Variants in SNIP1 observed in about 807,000 individuals in gnomAD.
SNIP1 encodes the protein smad nuclear-interacting protein 1.
SNIP1 carries 23 observed loss-of-function variants against 37.4 expected under a neutral mutation model. That is an observed-to-expected ratio of 0.61 (90% CI 0.44 to 0.87). The LOEUF (loss-of-function observed/expected upper bound fraction) is 0.87. Among genes scored for constraint, SNIP1 ranks in the 40% least tolerant of loss-of-function variants. The pLI is 0.00. For missense variants in SNIP1, 459 were observed against 540.4 expected, an observed-to-expected ratio of 0.85 and a Z score of 1.49; for synonymous variants, 174 against 200.0, an observed-to-expected ratio of 0.87 and a Z score of 1.10.
intron 2 of SNIP1, among the ~76,000 whole-genome samples, chr1:37,545,753 T>A (rs1053259544): frequency 2.6e-5 from 4 of 151,714 alleles, no homozygotes; most frequent in African/African-American, 9.7e-5. Context: ...CGTCCAGGAG[T>A]TCGAGACCAG....
At chr1:37,543,677 C>T (rs215197) in intron 2 of SNIP1, among the ~76,000 whole-genome samples, 128,979 of 151,666 alleles carry the variant, frequency 0.85, 55,097 homozygotes, top group East Asian at 0.97. Flanking sequence ...TTTTAATGCA[C>T]TGTTGGGCTT....
intron 2 of SNIP1, among the ~76,000 whole-genome samples, chr1:37,550,592 A>G (rs1643288817): frequency 6.6e-6 from 1 of 152,144 alleles, no homozygotes; most frequent in Admixed American, 6.5e-5. Context: ...CTGTAATCTC[A>G]GCTACTTGGG....
At chr1:37,543,052 T>C (rs1643192341) in intron 2 of SNIP1, among the ~76,000 whole-genome samples, 2 of 147,676 alleles carry the variant, frequency 1.4e-5, no homozygotes. Flanking sequence ...AGAGACCCTG[T>C]CTTGAAAAAA....
At chr1:37,542,099 CA>C (rs1318847238) in intron 2 of SNIP1, among the ~76,000 whole-genome samples, 3 of 152,070 alleles carry the variant, frequency 2.0e-5, no homozygotes, top group Non-Finnish European at 4.4e-5. Flanking sequence ...TCCTAATTGC[CA>C]AAATCACTAC....
chr1:37,552,770 G>A, intron 1 of SNIP1, 23 bp from the exon 2 acceptor site: 2 of 1,590,134 alleles, frequency 1.3e-6, no homozygotes, highest in South Asian at 1.1e-5. Flanking sequence ...TGGTACACAG[G>A]ATTTTATCGC....
intron 2 of SNIP1, among the ~76,000 whole-genome samples, chr1:37,548,085 G>A (rs1333016118): frequency 2.7e-5 from 4 of 145,736 alleles, no homozygotes; most frequent in Non-Finnish European, 4.5e-5. Context: ...CCCGGGAGGC[G>A]GAGCTTGCAG....
At chr1:37,547,794 ATAAAG>A (rs754008990) in intron 2 of SNIP1, among the ~76,000 whole-genome samples, 5 of 152,032 alleles carry the variant, frequency 3.3e-5, no homozygotes, top group Non-Finnish European at 5.9e-5. Context: ...TGAGAAAAGA[ATAAAG>A]TAATCATTTG....
intron 1 of SNIP1, 32 bp from the exon 2 acceptor site, chr1:37,552,779 G>A (rs756354627): frequency 3.8e-6 from 6 of 1,561,126 alleles, no homozygotes; most frequent in Admixed American, 1.7e-5. Context: ...GGATTTTATC[G>A]CAATTTCCCT....
chr1:37,552,540 A>G (rs1207618456), intron 2 of SNIP1, 105 bp downstream of exon 2: 3 of 900,388 alleles, frequency 3.3e-6, no homozygotes, highest in Non-Finnish European at 5.5e-6. Flanking sequence ...AGGCGAGCGT[A>G]CGTGCACATG....
intron 2 of SNIP1, among the ~76,000 whole-genome samples, chr1:37,549,493 C>T (rs916384624): frequency 3.3e-5 from 5 of 152,164 alleles, no homozygotes; most frequent in Non-Finnish European, 7.4e-5. Flanking sequence ...CAGCCTCAAC[C>T]TCCTAGGCTC....
At chr1:37,544,287 A>C (rs2148114436) in intron 2 of SNIP1, among the ~76,000 whole-genome samples, 1 of 151,990 alleles carries the variant, frequency 6.6e-6, no homozygotes, top group East Asian at 1.9e-4. Context: ...TGTACTAAAA[A>C]TACAAAAAAT....
chr1:37,538,238 G>A (rs1485050497), intron 3 of SNIP1, among the ~76,000 whole-genome samples: 1 of 152,196 alleles, frequency 6.6e-6, no homozygotes, highest in Non-Finnish European at 1.5e-5. Context: ...ACCGGGCGCG[G>A]TGGCTCACGC....
chr1:37,551,074 G>GACACACACACACACAC lies in SNIP1; in HGVS notation c.327+1555_327+1570dup, dbSNP rs55724495. 4.4e-3 allele frequency among the ~76,000 whole-genome samples: 630 copies of GACACACACACACACAC among 143,992 alleles called. 4 individuals are homozygous for GACACACACACACACAC. The highest frequency in any genetic ancestry group is 6.2e-3 in the Non-Finnish European group (410 of 66,286). The allele number at this position is 143,992 out of a possible 152,430, so 94.5% of individuals were successfully genotyped here. On this transcript the variant is annotated intron_variant, in intron 2 of 3. Transcript: ENST00000296215. The stretch of plus-strand genomic sequence containing the variant: ...CACGCCATTGCACTCCAGCCTGGGT[G>GACACACACACACACAC]ACACACACACACACACACACACACA...
rs889987418 is a variant in SNIP1, at chr1:37,536,938, T to G, written c.*810A>C. The G allele has an allele frequency of 6.6e-6, 1 of 152,104 alleles. No homozygotes were observed. Among genetic ancestry groups the G allele is most frequent in the African/African-American group, 2.4e-5 (1 of 41,442 alleles). The allele number at this position is 152,104 out of a possible 1,614,324, so 9.4% of individuals were successfully genotyped here. On this transcript the variant is annotated 3_prime_UTR_variant, in exon 4 of 4. Transcript: ENST00000296215. The stretch of plus-strand genomic sequence containing the variant: ...TTTATTTCTCAAAGAAAAAAAGAGA[T>G]AACATTTGAATAAAAATGCAAAACT...
intron 2 of SNIP1, chr1:37,548,717 G>C (rs1264124533): frequency 1.6e-5 from 2 of 124,784 alleles, no homozygotes; most frequent in Non-Finnish European, 1.6e-5. Context: ...CTGGGCAACA[G>C]AACGAGACTC....
chr1:37,546,152 C>CCG (rs1643234602), intron 2 of SNIP1, among the ~76,000 whole-genome samples: 1 of 149,978 alleles, frequency 6.7e-6, no homozygotes, highest in African/African-American at 2.5e-5. Context: ...AAGACCCCCC[C>CCG]CCCCCCCGCT....
intron 2 of SNIP1, among the ~76,000 whole-genome samples, chr1:37,546,907 C>T (rs930895631): frequency 6.6e-6 from 1 of 152,200 alleles, no homozygotes; most frequent in Non-Finnish European, 1.5e-5. Flanking sequence ...ACTCTATCCT[C>T]AACACACTTC....
Position 37,554,248 on chromosome 1 carries a change from C to A in SNIP1, c.-19G>T, listed in dbSNP as rs1034238778. Reference sequence around the variant, plus strand: ...CCTTCATTCTGTGATTTTGGCTGGGCGAAAGAAAACAGATCAGTTGAGCTC... The same window carrying A: ...CCTTCATTCTGTGATTTTGGCTGGGAGAAAGAAAACAGATCAGTTGAGCTC... On this transcript the variant is annotated 5_prime_UTR_variant, in exon 1 of 4. Coordinates refer to ENST00000296215, the MANE Select transcript of SNIP1 (RefSeq NM_024700.4). 1.9e-6 allele frequency: 3 copies of A among 1,578,860 alleles called. No individual in the cohort carries two copies. Among genetic ancestry groups the A allele is most frequent in the South Asian group, 2.3e-5 (2 of 86,058 alleles).
intron 2 of SNIP1, chr1:37,544,775 C>T (rs1289018644): frequency 8.3e-6 from 6 of 721,326 alleles, no homozygotes; most frequent in East Asian, 2.6e-5. Context: ...GACGACTGCG[C>T]GTCCCCCTCG....
Sources: gnomAD v4.1 joint callset for allele counts (sites outside exome capture counted in the v4.1 genomes callset) on GRCh38, gnomAD v4.1.1 for gene constraint, MANE v1.5 for transcripts, NCBI Gene and HGNC (gene_info 2026-07-23, HGNC 2026-07-21) for gene names.